Variants in JMY observed in about 807,000 individuals in gnomAD.
JMY encodes junction-mediating and -regulatory protein.
In JMY, 46 loss-of-function variants were observed where a neutral mutation model predicts 103.3. The ratio of observed to expected loss-of-function variants is 0.45; its 90% CI spans 0.35 to 0.57. The LOEUF (loss-of-function observed/expected upper bound fraction) is 0.57, where lower values mean the gene tolerates loss of function less well. JMY is among the 20% of genes least tolerant of loss of function. JMY has a pLI of 0.00. For synonymous variants in JMY, 526 were observed against 489.3 expected (o/e 1.07, Z -0.99); for missense variants, 1,238 against 1,255.2 (o/e 0.99, Z 0.21).
rs1420653012 is a variant in JMY, at chr5:79,237,469, C to T, written c.819C>T (p.Gly273=). ...GCATGTGGACTGTGCTGTTTGGGGG[C>T]GCCCCCGAGATGACCGAGCAGGAAA... ...PSGMWTVLFG[G]APEMTEQEID... The change falls in exon 1 of 11, where the codon GGC becomes GGT. Residue 273 remains glycine, a synonymous_variant. Coordinates refer to ENST00000396137, the MANE Select transcript of JMY (RefSeq NM_152405.5). The T allele has an allele frequency of 6.2e-7, 1 of 1,606,276 alleles. No homozygotes were observed. Among genetic ancestry groups the T allele is most frequent in the South Asian group, 1.1e-5 (1 of 90,544 alleles).
chr5:79,304,667 ATTATC>A (rs111615197), intron 6 of JMY, among the ~76,000 whole-genome samples: 2,045 of 152,272 alleles, frequency 0.013, 54 homozygotes, highest in African/African-American at 0.046. Flanking sequence ...GAAGTTATTT[ATTATC>A]TTATTCTCAC....
intron 1 of JMY, among the ~76,000 whole-genome samples, chr5:79,239,868 A>G (rs747651248): frequency 8.6e-5 from 13 of 151,878 alleles, no homozygotes; most frequent in Admixed American, 2.0e-4. Context: ...CGGTTTTTTA[A>G]TTCAAATGGG....
chr5:79,289,777 G>T (rs1161805158), intron 2 of JMY, among the ~76,000 whole-genome samples: 1 of 131,734 alleles, frequency 7.6e-6, no homozygotes, highest in Non-Finnish European at 1.5e-5. Context: ...AAGTAATTTG[G>T]GGGGGGGCAT....
intron 9 of JMY, 61 bp from the exon 10 acceptor site, chr5:79,315,939 C>T: frequency 1.4e-6 from 2 of 1,423,378 alleles, no homozygotes; most frequent in East Asian, 2.3e-5. Context: ...AGAGGTTATA[C>T]AGTTTCATTC....
intron 1 of JMY, among the ~76,000 whole-genome samples, chr5:79,251,625 ATTTT>A (rs796459953): frequency 7.3e-6 from 1 of 137,812 alleles, no homozygotes; most frequent in Admixed American, 7.3e-5. Context: ...CATTCATTCT[ATTTT>A]TTTTTTTTTT....
At chr5:79,272,461 T>C (rs1289432128) in intron 1 of JMY, among the ~76,000 whole-genome samples, 1 of 152,176 alleles carries the variant, frequency 6.6e-6, no homozygotes, top group Non-Finnish European at 1.5e-5. Context: ...TAGAGGTATG[T>C]ATATGAAAAT....
chr5:79,295,826 C>A (rs1746549634), intron 4 of JMY, among the ~76,000 whole-genome samples: 1 of 152,088 alleles, frequency 6.6e-6, no homozygotes, highest in African/African-American at 2.4e-5. Context: ...TAGATTATTC[C>A]ATAGGTGCAC....
rs1746714079 is a variant in JMY, at chr5:79,300,853, G to A, written c.1871G>A (p.Arg624Lys). Residue 624 changes from arginine (R) to lysine (K), a missense_variant, in exon 6 of 11, where the codon AGA (arginine) becomes AAA (lysine). By Grantham distance (26) the Arg-to-Lys change is conservative. Transcript: ENST00000396137. ...GTTTCTGCCAAGAAATCCTACCTCA[G>A]AAATAAAAAGGTATTTAAATATTGC... ...GRVSAKKSYLRNKKEICIAKH... is the reference protein window; with the variant it reads ...GRVSAKKSYLKNKKEICIAKH... The A allele has an allele frequency of 1.3e-6, 2 of 1,587,994 alleles. No homozygotes were observed. Among genetic ancestry groups the A allele is most frequent in the East Asian group, 2.3e-5 (1 of 44,152 alleles).
chr5:79,320,405 T>A (rs564784648), intron 10 of JMY, among the ~76,000 whole-genome samples: 128 of 151,720 alleles, frequency 8.4e-4, no homozygotes, highest in Non-Finnish European at 1.7e-3. Flanking sequence ...AGTGGCGCCG[T>A]ATTTGGCTCG....
At chr5:79,270,686 T>TA (rs1290940812) in intron 1 of JMY, among the ~76,000 whole-genome samples, 2 of 144,726 alleles carry the variant, frequency 1.4e-5, no homozygotes, top group Admixed American at 7.3e-5. Flanking sequence ...TATATTTATA[T>TA]TAATATATTT....
At chr5:79,291,421 A>G (rs1471346723) in intron 4 of JMY, 122 bp downstream of exon 4, 1 of 762,758 alleles carries the variant, frequency 1.3e-6, no homozygotes, top group East Asian at 2.8e-5. Flanking sequence ...TGAGATGAAA[A>G]CACTTAGAAT....
At chr5:79,244,144 G>C (rs1439420833) in intron 1 of JMY, among the ~76,000 whole-genome samples, 2 of 151,918 alleles carry the variant, frequency 1.3e-5, no homozygotes, top group Non-Finnish European at 2.9e-5. Context: ...GGGATTACAA[G>C]CATGTGCCAC....
chr5:79,267,336 C>T (rs1013503476), intron 1 of JMY, among the ~76,000 whole-genome samples: 3 of 152,134 alleles, frequency 2.0e-5, no homozygotes, highest in Non-Finnish European at 2.9e-5. Context: ...AGTTTAACTG[C>T]TCTGAAAATC....
chr5:79,264,940 A>G (rs1290473959), intron 1 of JMY, among the ~76,000 whole-genome samples: 1 of 152,168 alleles, frequency 6.6e-6, no homozygotes, highest in Non-Finnish European at 1.5e-5. Context: ...TTTTTGAGGC[A>G]GAGTCTTGCG....
intron 1 of JMY, among the ~76,000 whole-genome samples, chr5:79,247,055 C>A (rs889677158): frequency 6.6e-6 from 1 of 152,030 alleles, no homozygotes; most frequent in African/African-American, 2.4e-5. Flanking sequence ...ATGAAAGAAC[C>A]GGATTCAAAT....
At chr5:79,257,468 TG>T (rs1745283352) in intron 1 of JMY, among the ~76,000 whole-genome samples, 2 of 152,020 alleles carry the variant, frequency 1.3e-5, no homozygotes, top group African/African-American at 4.8e-5. Flanking sequence ...CCAGGCATGG[TG>T]ATGTAAGCCT....
chr5:79,325,380 G>A lies in JMY; in HGVS notation c.*3778G>A, dbSNP rs1005330468. ...ACTTGTAAAAAATGAACAGCTGTAAGACATTTCAAAACCATTGCAGACACA... is the reference window on the plus strand; with the variant it reads ...ACTTGTAAAAAATGAACAGCTGTAAAACATTTCAAAACCATTGCAGACACA... On this transcript the variant is annotated 3_prime_UTR_variant, in exon 11 of 11. Transcript: ENST00000396137. 6 of 152,220 alleles carry A rather than the reference G, an allele frequency of 3.9e-5. No individual in the cohort carries two copies. The highest frequency in any genetic ancestry group is 3.9e-4 in the Admixed American group (6 of 15,282). 9.4% of individuals were successfully genotyped at this position (152,220 alleles called of 1,614,324 possible). A position where few individuals can be genotyped will look rare whatever the true frequency, so the allele number is the denominator to read the frequency against.
intron 1 of JMY, 75 bp downstream of exon 1, chr5:79,237,757 C>T: frequency 1.5e-6 from 2 of 1,367,480 alleles, no homozygotes; most frequent in Admixed American, 2.4e-5. Context: ...GCTGGAGCCT[C>T]GGTGTCGGGT....
intron 1 of JMY, among the ~76,000 whole-genome samples, chr5:79,255,789 TTC>T (rs371236538): frequency 1.6e-4 from 25 of 152,318 alleles, no homozygotes; most frequent in African/African-American, 6.0e-4. Flanking sequence ...ACAACAGAGT[TTC>T]TCTCTCTGTT....
Sources: allele counts gnomAD v4.1 joint callset (sites outside exome capture counted in the v4.1 genomes callset), GRCh38; gene constraint gnomAD v4.1.1; transcripts MANE v1.5; gene names NCBI Gene and HGNC (gene_info 2026-07-23, HGNC 2026-07-21).